ABCC8: variants seen among roughly 807,000 people sequenced by gnomAD.
ABCC8 encodes the protein ATP binding cassette subfamily C member 8.
Under a neutral mutation model 188.0 loss-of-function variants are expected in ABCC8, and 137 were observed. The observed-to-expected ratio is 0.73, with a 90% confidence interval of 0.63 to 0.84. The LOEUF is 0.84. Ranked by LOEUF, ABCC8 falls within the 40% of genes least tolerant of loss-of-function variation. The probability of loss-of-function intolerance (pLI) is 0.00; values close to 1 mark genes in which losing one functional copy is unlikely to be tolerated. For missense variants in ABCC8, 1,750 were observed against 2,072.7 expected (o/e 0.84, Z 3.02); for synonymous variants, 797 against 846.5 (o/e 0.94, Z 1.01).
Position 17,427,029 on chromosome 11 carries a change from C to A in ABCC8, c.2222+20G>T. The A allele has an allele frequency of 6.2e-7, 1 of 1,612,824 alleles. No individual in the cohort carries two copies. Among genetic ancestry groups the A allele is most frequent in the Non-Finnish European group, 8.5e-7 (1 of 1,179,410 alleles). ...AAAGGAGATTTCCCCTCCACTGGGC[C>A]CTGAGGATACATGTATTACCTGCTC... On this transcript the variant is annotated intron_variant, in intron 16 of 38. Transcript: ENST00000389817. The surrounding 1 kb of genome is among the most constrained non-coding windows in gnomAD (Gnocchi z 5.0).
rs570586513 is a variant in ABCC8, at chr11:17,409,873, T to C, written c.2694+643A>G. 9.2e-5 allele frequency among the ~76,000 whole-genome samples: 14 copies of C among 152,250 alleles called. No homozygotes were observed. In the South Asian group the frequency reaches 2.9e-3, roughly 32 times the overall value. Reference sequence around the variant, plus strand: ...ACTCTACTGATAATATTGAAGTTTCTTTCTTTCTTTCTTTCCTTTTTCAAA... The same window carrying C: ...ACTCTACTGATAATATTGAAGTTTCCTTCTTTCTTTCTTTCCTTTTTCAAA... On this transcript the variant is annotated intron_variant, in intron 22 of 38. Coordinates refer to ENST00000389817, the MANE Select transcript of ABCC8 (RefSeq NM_000352.6).
intron 17 of ABCC8, 199 bp from the exon 18 acceptor site, chr11:17,415,538 G>A (rs1010810285): frequency 2.2e-5 from 17 of 777,252 alleles, no homozygotes; most frequent in Non-Finnish European, 2.5e-5. Flanking sequence ...GCCTGACCAC[G>A]TGGGTGTGTG....
chr11:17,425,786 T>G (rs1175250811), intron 16 of ABCC8, among the ~76,000 whole-genome samples: 1 of 152,180 alleles, frequency 6.6e-6, no homozygotes, highest in Non-Finnish European at 1.5e-5. Flanking sequence ...GCTGCACCCA[T>G]CAACCCTTCA....
intron 5 of ABCC8, chr11:17,461,354 T>C (rs770253980): frequency 8.7e-5 from 52 of 596,648 alleles, no homozygotes; most frequent in Non-Finnish European, 1.5e-4. Context: ...GACTTTGGAC[T>C]AGACGACCTA....
At chr11:17,403,170 C>A (rs539580366) in intron 28 of ABCC8, among the ~76,000 whole-genome samples, 5 of 152,292 alleles carry the variant, frequency 3.3e-5, no homozygotes, top group African/African-American at 1.2e-4. Context: ...TCAACCCCGT[C>A]TTCCGCTTAC....
rs1956337468 is a variant in ABCC8, at chr11:17,442,050, A to G, written c.1630+670T>C. Among the ~76,000 whole-genome samples, 3 of 152,212 alleles carry G rather than the reference A, an allele frequency of 2.0e-5. No homozygotes were observed. The South Asian group carries it at 6.2e-4, about 32-fold the overall frequency. On this transcript the variant is annotated intron_variant, in intron 10 of 38. Transcript: ENST00000389817. ...AGCCGAGATTTTGCCACTGCACTCC[A>G]GCCTGGGTGACAGAGCGAGACTCCA...
chr11:17,392,739 G>A, downstream of ABCC8: 1 of 548,532 alleles, frequency 1.8e-6, no homozygotes, highest in Non-Finnish European at 3.3e-6. Flanking sequence ...TGTTGTGGCA[G>A]CCTGGCTGAC....
intron 16 of ABCC8, among the ~76,000 whole-genome samples, chr11:17,420,714 C>T (rs957141859): frequency 6.6e-6 from 1 of 152,204 alleles, no homozygotes; most frequent in African/African-American, 2.4e-5. Context: ...GCCTCTTCCC[C>T]ACGCTGATCC....
chr11:17,458,230 C>T (rs1236134772), intron 6 of ABCC8, among the ~76,000 whole-genome samples: 1 of 152,168 alleles, frequency 6.6e-6, no homozygotes, highest in East Asian at 1.9e-4. Flanking sequence ...TCTGATAAGG[C>T]CCACTGCCAC....
intron 10 of ABCC8, among the ~76,000 whole-genome samples, chr11:17,438,569 C>A (rs989369956): frequency 1.1e-4 from 16 of 152,170 alleles, no homozygotes; most frequent in Non-Finnish European, 2.1e-4. Flanking sequence ...ACCTAGGACC[C>A]CTTTGTCACC....
At chr11:17,435,275 A>G (rs1399216294) in intron 10 of ABCC8, among the ~76,000 whole-genome samples, 1 of 152,158 alleles carries the variant, frequency 6.6e-6, no homozygotes, top group Non-Finnish European at 1.5e-5. Context: ...ACCCACAGGC[A>G]GTGGCACCCA....
In ABCC8 at chr11:17,448,727, C is replaced by T. The variant is rs183921963; in HGVS notation, c.1177-56G>A. ...ATCATCATTCTCATCATCATCACCA[C>T]ACCAGATGCCACCTGTTACAGTGTG... is the stretch of plus-strand genomic sequence containing the variant. On this transcript the variant is annotated intron_variant, in intron 7 of 38. Coordinates refer to ENST00000389817, the MANE Select transcript of ABCC8 (RefSeq NM_000352.6). 1.4e-3 allele frequency: 2,223 copies of T among 1,613,122 alleles called. 6 individuals carry two copies. Among genetic ancestry groups the T allele is most frequent in the Middle Eastern group, 0.012 (75 of 6,054 alleles).
At chr11:17,468,222 C>T (rs1848278026) in intron 3 of ABCC8, among the ~76,000 whole-genome samples, 1 of 152,194 alleles carries the variant, frequency 6.6e-6, no homozygotes, top group Non-Finnish European at 1.5e-5. Context: ...GAAAGGCAGA[C>T]CTGTGACTAG....
chr11:17,421,994 C>T (rs536065886), intron 16 of ABCC8, among the ~76,000 whole-genome samples: 9 of 152,244 alleles, frequency 5.9e-5, no homozygotes, highest in Non-Finnish European at 1.3e-4. Context: ...GCATCACCCT[C>T]TCCTCTGGCT....
In ABCC8 at chr11:17,415,004, C is replaced by CT. The variant is rs750031942; in HGVS notation, c.2291+299dup. Among the ~76,000 whole-genome samples the CT allele has an allele frequency of 0.094, 13,285 of 141,714 alleles. 1,872 individuals are homozygous for CT. The highest frequency in any genetic ancestry group is 0.31 in the African/African-American group (12,150 of 38,908). The allele number at this position is 141,714 out of a possible 152,430, so 93.0% of individuals were successfully genotyped here. A position where few individuals can be genotyped will look rare whatever the true frequency, so the allele number is the denominator to read the frequency against. Reference sequence around the variant, plus strand: ...GCAGGTAATTCTCCAAATGGAAGAACTTTTTTTTTTTTTTTTAAAAGCAGA... The same window carrying CT: ...GCAGGTAATTCTCCAAATGGAAGAACTTTTTTTTTTTTTTTTTAAAAGCAGA... On this transcript the variant is annotated intron_variant, in intron 18 of 38. Transcript: ENST00000389817.
chr11:17,396,136 G>T (rs754531844), intron 33 of ABCC8: 2 of 1,202,494 alleles, frequency 1.7e-6, no homozygotes, highest in Non-Finnish European at 1.1e-6. Context: ...GGACCGGCAC[G>T]CAAGTGCAGG....
intron 6 of ABCC8, among the ~76,000 whole-genome samples, chr11:17,458,949 C>A (rs549019790): frequency 3.3e-5 from 5 of 152,320 alleles, no homozygotes; most frequent in Non-Finnish European, 5.9e-5. Flanking sequence ...TGATTTCTCT[C>A]CTCACTGTTG....
chr11:17,440,554 G>A (rs1480395376), intron 10 of ABCC8, among the ~76,000 whole-genome samples: 1 of 152,240 alleles, frequency 6.6e-6, no homozygotes, highest in Non-Finnish European at 1.5e-5. Flanking sequence ...GGAGAGACCA[G>A]GAACTTGGGG....
In ABCC8 at chr11:17,405,464, G is replaced by A. The variant is rs199871841; in HGVS notation, c.3399+30C>T. 1.9e-6 allele frequency: 3 copies of A among 1,613,994 alleles called. No homozygotes were observed. In the East Asian group the frequency reaches 6.7e-5, roughly 36 times the overall value. ...CCAGGGGTCCGAGGTGTCTCTGGAAGGGGGGATAGTGTGGCACGGTCCTCT... is the reference window on the plus strand; with the variant it reads ...CCAGGGGTCCGAGGTGTCTCTGGAAAGGGGGATAGTGTGGCACGGTCCTCT... On this transcript the variant is annotated intron_variant, in intron 27 of 38. Transcript: ENST00000389817.
Sources: allele counts gnomAD v4.1 joint callset (sites outside exome capture counted in the v4.1 genomes callset), GRCh38; gene constraint gnomAD v4.1.1; non-coding constraint Gnocchi (gnomAD v3.1); transcripts MANE v1.5; gene names NCBI Gene and HGNC (gene_info 2026-07-23, HGNC 2026-07-21).